MARCHF1: variants seen among roughly 807,000 people sequenced by gnomAD.
MARCHF1 encodes membrane associated ring-CH-type finger 1.
Under a neutral mutation model 54.2 loss-of-function variants are expected in MARCHF1, and 40 were observed. The ratio of observed to expected loss-of-function variants is 0.74; its 90% CI spans 0.57 to 0.96. The LOEUF is 0.96. MARCHF1 is among the 40% of genes least tolerant of loss of function. MARCHF1 has a pLI of 0.00. For synonymous variants in MARCHF1, 236 were observed against 236.3 expected, an observed-to-expected ratio of 1.00 and a Z score of 0.01; for missense variants, 586 against 656.5, an observed-to-expected ratio of 0.89 and a Z score of 1.17.
chr4:163,982,287 C>A (rs911223994), intron 3 of MARCHF1, among the ~76,000 whole-genome samples: 6 of 152,140 alleles, frequency 3.9e-5, no homozygotes, highest in African/African-American at 9.7e-5. Flanking sequence ...GCCTTTCTAC[C>A]CCTTGGCATT....
intron 2 of MARCHF1, among the ~76,000 whole-genome samples, chr4:164,048,412 T>A (rs1270024722): frequency 2.0e-5 from 3 of 152,228 alleles, no homozygotes; most frequent in African/African-American, 7.2e-5. Context: ...AGAACTTACA[T>A]CAGAATCATC....
rs35995273 is a variant in MARCHF1 at position 164,172,980 on chromosome 4, C to CAAAAAA, written c.-322-61324_-322-61319dup. Among the ~76,000 whole-genome samples the CAAAAAA allele has an allele frequency of 5.2e-3, 668 of 127,722 alleles. 33 individuals carry two copies. Among genetic ancestry groups the CAAAAAA allele is most frequent in the African/African-American group, 0.018 (582 of 31,700 alleles). 83.8% of individuals were successfully genotyped at this position (127,722 alleles called of 152,430 possible). A position where few individuals can be genotyped will look rare whatever the true frequency, so the allele number is the denominator to read the frequency against. On this transcript the variant is annotated intron_variant, in intron 1 of 9. Transcript: ENST00000514618. ...TGGGCTACAGAGCGAGACTCCGTCT[C>CAAAAAA]AAAAAAAAAAAAAAAAGTCACTGTA...
At chr4:163,813,027 CATT>C (rs900980850) in intron 4 of MARCHF1, among the ~76,000 whole-genome samples, 2 of 152,086 alleles carry the variant, frequency 1.3e-5, no homozygotes, top group Non-Finnish European at 2.9e-5. Context: ...CTATAAAAGT[CATT>C]ATGATTTTAG....
intron 1 of MARCHF1, among the ~76,000 whole-genome samples, chr4:164,344,454 G>A (rs868156070): frequency 2.1e-5 from 3 of 140,166 alleles, no homozygotes; most frequent in East Asian, 4.5e-4. Context: ...GCACATGCAC[G>A]TGTTTGTGTG....
intron 4 of MARCHF1, among the ~76,000 whole-genome samples, chr4:163,774,933 A>G (rs909318684): frequency 6.6e-6 from 1 of 152,138 alleles, no homozygotes; most frequent in Non-Finnish European, 1.5e-5. Flanking sequence ...GGAGATTTTC[A>G]TTTGTATTCA....
chr4:164,000,542 A>T (rs538437779), intron 2 of MARCHF1, among the ~76,000 whole-genome samples: 3 of 151,810 alleles, frequency 2.0e-5, no homozygotes, highest in Admixed American at 6.6e-5. Context: ...GCAAGCTTTA[A>T]GATACTTAAA....
At chr4:164,031,133 A>C (rs533878081) in intron 2 of MARCHF1, among the ~76,000 whole-genome samples, 1 of 152,296 alleles carries the variant, frequency 6.6e-6, no homozygotes, top group Non-Finnish European at 1.5e-5. Context: ...GACAGAAGGC[A>C]TCCTTATCGT....
chr4:164,106,610 C>T (rs1477462270), intron 2 of MARCHF1, among the ~76,000 whole-genome samples: 2 of 139,634 alleles, frequency 1.4e-5, no homozygotes, highest in South Asian at 2.4e-4. Flanking sequence ...ACTCTGGGGA[C>T]TGTTGTGGGG....
intron 1 of MARCHF1, among the ~76,000 whole-genome samples, chr4:164,178,536 G>T (rs1485022234): frequency 6.6e-6 from 1 of 152,146 alleles, no homozygotes; most frequent in Non-Finnish European, 1.5e-5. Context: ...TTTAATTAAT[G>T]ATGTAACAGA....
Position 164,258,391 on chromosome 4 carries a change from TATA to T in MARCHF1, c.-323+125476_-323+125478del, listed in dbSNP as rs201820317. On this transcript the variant is annotated intron_variant, in intron 1 of 9. Coordinates refer to ENST00000514618, the MANE Select transcript of MARCHF1 (RefSeq NM_001394959.1). Reference sequence around the variant, plus strand: ...TGCACATATATCCCAGAACTTAAAGTATAATAATAATAATAATAATAATAATAA... The same window carrying T: ...TGCACATATATCCCAGAACTTAAAGTATAATAATAATAATAATAATAATAA... Among the ~76,000 whole-genome samples, 699 of 145,862 alleles carry T rather than the reference TATA, an allele frequency of 4.8e-3. 4 individuals are homozygous for T. The highest frequency in any genetic ancestry group is 7.9e-3 in the Non-Finnish European group (530 of 66,820).
At chr4:164,194,043 T>C (rs1486327599) in intron 1 of MARCHF1, among the ~76,000 whole-genome samples, 1 of 152,086 alleles carries the variant, frequency 6.6e-6, no homozygotes, top group Non-Finnish European at 1.5e-5. Context: ...CAAAAGTGGG[T>C]AATGTCAACC....
At chr4:164,116,065 A>C (rs1755933816) in intron 1 of MARCHF1, among the ~76,000 whole-genome samples, 1 of 152,128 alleles carries the variant, frequency 6.6e-6, no homozygotes, top group Non-Finnish European at 1.5e-5. Context: ...ACTTCATCAA[A>C]CTTTAGATGA....
chr4:163,846,146 A>G (rs1192764951), intron 4 of MARCHF1, among the ~76,000 whole-genome samples: 1 of 152,218 alleles, frequency 6.6e-6, no homozygotes, highest in Non-Finnish European at 1.5e-5. Context: ...CTGATACATG[A>G]TTGAATAAGA....
chr4:163,715,668 CA>C (rs951462033), intron 4 of MARCHF1, among the ~76,000 whole-genome samples: 1 of 151,764 alleles, frequency 6.6e-6, no homozygotes, highest in South Asian at 2.1e-4. Flanking sequence ...CATACTATGG[CA>C]AAAAAGATGA....
At chr4:164,372,482 G>C (rs1645860406) in intron 1 of MARCHF1, among the ~76,000 whole-genome samples, 1 of 151,896 alleles carries the variant, frequency 6.6e-6, no homozygotes, top group Admixed American at 6.6e-5. Flanking sequence ...TTTTTAACTG[G>C]GAGAGAATTG....
chr4:164,214,260 C>A (rs1731865345), intron 1 of MARCHF1, among the ~76,000 whole-genome samples: 2 of 152,118 alleles, frequency 1.3e-5, no homozygotes, highest in Admixed American at 1.3e-4. Flanking sequence ...ACCTACCGAA[C>A]TGTGAGACAG....
intron 7 of MARCHF1, among the ~76,000 whole-genome samples, chr4:163,596,537 C>CA (rs142539749): frequency 0.073 from 5,356 of 73,636 alleles, 506 homozygotes; most frequent in Non-Finnish European, 0.096. Context: ...GAGGCTGTCT[C>CA]AAAAAAAAAA....
chr4:164,260,813 C>G (rs1733440060), intron 1 of MARCHF1, among the ~76,000 whole-genome samples: 1 of 152,114 alleles, frequency 6.6e-6, no homozygotes, highest in Non-Finnish European at 1.5e-5. Context: ...TTACACTTAG[C>G]TATAAAGGAG....
intron 1 of MARCHF1, among the ~76,000 whole-genome samples, chr4:164,138,012 C>T (rs1437329459): frequency 6.6e-6 from 1 of 152,080 alleles, no homozygotes; most frequent in Non-Finnish European, 1.5e-5. Flanking sequence ...ATAGGTTCTT[C>T]CAGGTGTTTC....
Sources: gnomAD v4.1 joint callset for allele counts (sites outside exome capture counted in the v4.1 genomes callset) on GRCh38, gnomAD v4.1.1 for gene constraint, MANE v1.5 for transcripts, NCBI Gene and HGNC (gene_info 2026-07-23, HGNC 2026-07-21) for gene names.